The following COL10A1 variants were observed in gnomAD, a reference collection of about 807,000 sequenced individuals.
COL10A1 encodes collagen alpha-1(X) chain.
A neutral mutation model predicts 18.2 loss-of-function variants in COL10A1; 10 were observed. The ratio of observed to expected loss-of-function variants is 0.55; its 90% CI spans 0.34 to 0.93. The LOEUF (loss-of-function observed/expected upper bound fraction) is 0.93, where lower values mean the gene tolerates loss of function less well. COL10A1 is among the 40% of genes least tolerant of loss of function. The pLI, the probability that COL10A1 is intolerant of heterozygous loss-of-function variation, is 0.02. For missense variants in COL10A1, 897 were observed against 853.5 expected, an observed-to-expected ratio of 1.05 and a Z score of -0.64; for synonymous variants, 330 against 316.6, an observed-to-expected ratio of 1.04 and a Z score of -0.45.
At chr6:116,162,676 T>C (rs1013392108), upstream of COL10A1, among the ~76,000 whole-genome samples, 3 of 152,200 alleles carry the variant, frequency 2.0e-5, no homozygotes, top group African/African-American at 7.2e-5. Flanking sequence ...TTCAGTTTGC[T>C]AGTATTTTGT....
the COL10A1 span, among the ~76,000 whole-genome samples, chr6:116,170,565 C>T: frequency 6.6e-6 from 1 of 152,092 alleles, no homozygotes; most frequent in Non-Finnish European, 1.5e-5. Flanking sequence ...ATCAGTGCAC[C>T]TTAGCTGTTG....
the COL10A1 span, among the ~76,000 whole-genome samples, chr6:116,206,336 A>G: frequency 1.3e-5 from 2 of 151,982 alleles, no homozygotes; most frequent in African/African-American, 4.8e-5. Context: ...CATTGCATAT[A>G]ATTCACACAA....
At chr6:116,178,058 T>C in the COL10A1 span, among the ~76,000 whole-genome samples, 78 of 91,138 alleles carry the variant, frequency 8.6e-4, no homozygotes, top group African/African-American at 5.2e-3. Flanking sequence ...GGAAAGTGTG[T>C]GTGTGTGTGT....
At position 116,152,726 on chromosome 6, in the gene COL10A1, T is replaced by C. The variant is rs1780077551; in HGVS notation, c.-16+5888A>G. On this transcript the variant is annotated intron_variant, in intron 1 of 1. Transcript: ENST00000418500. Reference sequence around the variant, plus strand: ...TCCATCTTTTTACAGCCATACTTCTTGGTTAGAATGTTCCATACTTAGGTT... The same window carrying C: ...TCCATCTTTTTACAGCCATACTTCTCGGTTAGAATGTTCCATACTTAGGTT... Among the ~76,000 whole-genome samples, 3 of 152,182 alleles carry C rather than the reference T, an allele frequency of 2.0e-5. 1 individual carries two copies. Among genetic ancestry groups the C allele is most frequent in the Admixed American group, 2.0e-4 (3 of 15,272 alleles).
chr6:116,165,839 A>G, the COL10A1 span, among the ~76,000 whole-genome samples: 348 of 152,300 alleles, frequency 2.3e-3, 1 homozygote, highest in African/African-American at 7.9e-3. Flanking sequence ...GTTCTGGGCT[A>G]TGTTTGCAGG....
the COL10A1 span, among the ~76,000 whole-genome samples, chr6:116,202,791 T>G: frequency 2.0e-5 from 3 of 152,008 alleles, no homozygotes; most frequent in Admixed American, 1.3e-4. Flanking sequence ...ATTGTTAACT[T>G]GAGCAAGTAA....
At chr6:116,131,651 C>T (rs2114332231) in intron 1 of COL10A1, among the ~76,000 whole-genome samples, 1 of 152,218 alleles carries the variant, frequency 6.6e-6, no homozygotes, top group Middle Eastern at 3.4e-3. Flanking sequence ...TGTGTTATTT[C>T]CTGTCTTTTG....
upstream of COL10A1, among the ~76,000 whole-genome samples, chr6:116,128,850 A>AG (rs1779389684): frequency 6.6e-6 from 1 of 152,174 alleles, no homozygotes; most frequent in Non-Finnish European, 1.5e-5. Flanking sequence ...GTCTGATATC[A>AG]GTGTTCTATT....
intron 1 of COL10A1, among the ~76,000 whole-genome samples, chr6:116,142,624 C>T (rs899239202): frequency 6.6e-6 from 1 of 152,068 alleles, no homozygotes; most frequent in Non-Finnish European, 1.5e-5. Context: ...ATGTCTTCAG[C>T]GAGCTGGGCA....
At chr6:116,204,091 C>T in the COL10A1 span, among the ~76,000 whole-genome samples, 1 of 151,724 alleles carries the variant, frequency 6.6e-6, no homozygotes, top group East Asian at 1.9e-4. Context: ...GGAATTTGGT[C>T]CTGCAGTGAA....
intron 1 of COL10A1, among the ~76,000 whole-genome samples, chr6:116,149,592 C>T (rs773354949): frequency 2.0e-5 from 3 of 152,198 alleles, no homozygotes; most frequent in Admixed American, 1.3e-4. Flanking sequence ...GGATGACTGT[C>T]GAAAGGGTAT....
At chr6:116,159,402 T>G (rs1780278990), upstream of COL10A1, among the ~76,000 whole-genome samples, 1 of 152,236 alleles carries the variant, frequency 6.6e-6, no homozygotes, top group South Asian at 2.1e-4. Context: ...ACACATGTGA[T>G]TATTCATTTT....
chr6:116,124,440 A>G (rs1306614196), intron 2 of COL10A1, among the ~76,000 whole-genome samples: 3 of 152,192 alleles, frequency 2.0e-5, no homozygotes, highest in Non-Finnish European at 2.9e-5. Flanking sequence ...AGTGCTTTAC[A>G]TATATTATCT....
At chr6:116,158,438 A>G (rs1347213936) in intron 1 of COL10A1, among the ~76,000 whole-genome samples, 1 of 152,242 alleles carries the variant, frequency 6.6e-6, no homozygotes, top group African/African-American at 2.4e-5. Flanking sequence ...GAAGACAAGA[A>G]GATAAAAACT....
the COL10A1 span, among the ~76,000 whole-genome samples, chr6:116,208,584 G>A: frequency 1.3e-5 from 2 of 152,004 alleles, no homozygotes; most frequent in Non-Finnish European, 2.9e-5. Context: ...AAGCTCTTTA[G>A]TTCTTTCTGA....
the COL10A1 span, among the ~76,000 whole-genome samples, chr6:116,182,283 TTTGA>T: frequency 5.9e-5 from 9 of 151,410 alleles, no homozygotes; most frequent in Admixed American, 1.3e-4. Context: ...TTATCCACTC[TTTGA>T]TTGATGAACA....
the COL10A1 span, among the ~76,000 whole-genome samples, chr6:116,194,874 C>A: frequency 6.6e-6 from 1 of 152,050 alleles, no homozygotes; most frequent in Non-Finnish European, 1.5e-5. Flanking sequence ...TTATGGTTTA[C>A]ATTATTAGTT....
Position 116,122,145 on chromosome 6 carries a change from A to G in COL10A1, c.155-184T>C, listed in dbSNP as rs187914512. Among the ~76,000 whole-genome samples the G allele has an allele frequency of 3.0e-3, 460 of 152,326 alleles. 2 individuals carry two copies. The highest frequency in any genetic ancestry group is 0.01 in the African/African-American group (416 of 41,574). Reference sequence around the variant, plus strand: ...ATACTGTTTTAAAAAATTCTGCTGGAGAAGATGGTTTCACAAAACCATGGC... The same window carrying G: ...ATACTGTTTTAAAAAATTCTGCTGGGGAAGATGGTTTCACAAAACCATGGC... On this transcript the variant is annotated intron_variant, in intron 2 of 2. Transcript: ENST00000651968.
At chr6:116,149,872 C>T (rs192935991) in intron 1 of COL10A1, among the ~76,000 whole-genome samples, 5 of 152,334 alleles carry the variant, frequency 3.3e-5, no homozygotes, top group African/African-American at 1.2e-4. Flanking sequence ...ATTTGCACAA[C>T]AAACCAGCAT....
Sources: gnomAD v4.1 joint callset for allele counts (sites outside exome capture counted in the v4.1 genomes callset) on GRCh38, gnomAD v4.1.1 for gene constraint, MANE v1.5 for transcripts, NCBI Gene and HGNC (gene_info 2026-07-23, HGNC 2026-07-21) for gene names.